ZNF331: variants seen among roughly 807,000 people sequenced by gnomAD.
ZNF331 encodes the protein zinc finger protein 331, also known as C2H2-like zinc finger protein rearranged in thyroid adenomas.
ZNF331 carries 2 observed loss-of-function variants against 7.0 expected under a neutral mutation model. The observed-to-expected ratio is 0.29, with a 90% CI of 0.12 to 0.90. The LOEUF is 0.90. Ranked by LOEUF, ZNF331 falls within the 40% of genes least tolerant of loss-of-function variation. ZNF331 has a pLI of 0.58. For missense variants in ZNF331, 432 were observed against 587.7 expected (o/e 0.74, Z 2.74); for synonymous variants, 196 against 205.4 (o/e 0.95, Z 0.39).
intron 2 of ZNF331, among the ~76,000 whole-genome samples, chr19:53,524,860 A>ATTG (rs1330756034): frequency 6.6e-6 from 1 of 152,084 alleles, no homozygotes; most frequent in Admixed American, 6.5e-5. Context: ...CCTGAATGGT[A>ATTG]TTGCCTAGGT....
At chr19:53,505,031 A>G in the ZNF331 span, among the ~76,000 whole-genome samples, 1 of 152,206 alleles carries the variant, frequency 6.6e-6, no homozygotes, top group African/African-American at 2.4e-5. Flanking sequence ...TGGCAGGAGC[A>G]GGAAAGGACG....
At chr19:53,562,845 G>A (rs756249194) in intron 3 of ZNF331, among the ~76,000 whole-genome samples, 5 of 151,324 alleles carry the variant, frequency 3.3e-5, no homozygotes, top group East Asian at 4.0e-4. Context: ...AAAAATAGCC[G>A]GGCATGGTGA....
At chr19:53,534,820 C>T (rs2087678679), upstream of ZNF331, among the ~76,000 whole-genome samples, 1 of 152,060 alleles carries the variant, frequency 6.6e-6, no homozygotes, top group Admixed American at 6.6e-5. Flanking sequence ...TGCCTTGTAA[C>T]ATAACATATT....
intron 3 of ZNF331, among the ~76,000 whole-genome samples, chr19:53,557,010 A>G (rs1198633551): frequency 1.7e-5 from 2 of 116,568 alleles, no homozygotes; most frequent in Non-Finnish European, 3.3e-5. Flanking sequence ...GGTAGATACA[A>G]TGTTTCACCA....
chr19:53,546,161 A>AAAAAAAAAAAAAAAAAAAAAAAT (rs71337421), intron 2 of ZNF331, among the ~76,000 whole-genome samples: 1 of 144,186 alleles, frequency 6.9e-6, no homozygotes. Context: ...AAAAAAAAAA[A>AAAAAAAAAAAAAAAAAAAAAAAT]TTATTATTTA....
At position 53,579,947 on chromosome 19, in the gene ZNF331, A is replaced by G. The variant is rs965452181; in HGVS notation, c.*1995A>G. ...GGGGAGAAAACTTCAGCACGTCTCA[A>G]CAGAAGACCACCAAATGGCCAATAA... is the stretch of plus-strand genomic sequence containing the variant. On this transcript the variant is annotated 3_prime_UTR_variant, in exon 6 of 6. Transcript: ENST00000449416. 6.3e-5 allele frequency: 13 copies of G among 206,622 alleles called. No homozygotes were observed. Among genetic ancestry groups the G allele is most frequent in the Non-Finnish European group, 8.9e-5 (9 of 101,330 alleles). 12.8% of individuals were successfully genotyped at this position (206,622 alleles called of 1,614,324 possible). A position where few individuals can be genotyped will look rare whatever the true frequency, so the allele number is the denominator to read the frequency against.
upstream of ZNF331, among the ~76,000 whole-genome samples, chr19:53,533,267 G>A (rs1022523614): frequency 2.0e-5 from 3 of 152,036 alleles, no homozygotes; most frequent in Non-Finnish European, 4.4e-5. Context: ...TACTTATCAT[G>A]TTGTTTAATT....
Position 53,530,025 on chromosome 19 carries a change from G to A in ZNF331, c.-205+7341G>A, listed in dbSNP as rs752108866. 7.2e-5 allele frequency among the ~76,000 whole-genome samples: 11 copies of A among 152,284 alleles called. No homozygotes were observed. The South Asian group carries it at 1.7e-3, about 23-fold the overall frequency. Reference sequence around the variant, plus strand: ...GCTCATGCTTCTGAAGGCTGAAAAGGAAGCATGGTATCGACATCTGGCATC... The same window carrying A: ...GCTCATGCTTCTGAAGGCTGAAAAGAAAGCATGGTATCGACATCTGGCATC... On this transcript the variant is annotated intron_variant, in intron 2 of 6. Transcript: ENST00000253144.
intron 2 of ZNF331, among the ~76,000 whole-genome samples, chr19:53,549,548 T>C (rs918587765): frequency 5.9e-5 from 9 of 152,158 alleles, no homozygotes; most frequent in African/African-American, 2.2e-4. Flanking sequence ...ATGCTGATTC[T>C]GTTCCTCTGT....
the ZNF331 span, among the ~76,000 whole-genome samples, chr19:53,511,515 A>T: frequency 6.6e-6 from 1 of 152,110 alleles, no homozygotes; most frequent in African/African-American, 2.4e-5. Context: ...AAACTAAATA[A>T]ATATAATCAA....
Position 53,577,168 on chromosome 19 carries a change from T to G in ZNF331, c.608T>G (p.Val203Gly), listed in dbSNP as rs754629217. The G allele has an allele frequency of 1.2e-6, 2 of 1,614,012 alleles. No individual in the cohort carries two copies. Among genetic ancestry groups the G allele is most frequent in the Non-Finnish European group, 1.7e-6 (2 of 1,179,996 alleles). Residue 203 changes from valine to glycine, a missense_variant, in exon 6 of 6, where the codon GTT becomes GGT. Val to Gly is a moderately radical substitution (Grantham distance 109). This residue lies in a region of ZNF331 where 312 missense variants were observed against 448.6 expected (regional missense o/e 0.70). Coordinates refer to ENST00000449416, the MANE Select transcript of ZNF331 (RefSeq NM_001079906.2). ...GCTTTTCGATGGGGCTCAAGCCTCGTTATTCATAAGAGGATTCATACTGGT... is the reference window on the plus strand; with the variant it reads ...GCTTTTCGATGGGGCTCAAGCCTCGGTATTCATAAGAGGATTCATACTGGT... ...GKAFRWGSSL[V>G]IHKRIHTGEK...
intron 3 of ZNF331, among the ~76,000 whole-genome samples, chr19:53,561,118 A>G (rs538077752): frequency 1.3e-5 from 2 of 152,116 alleles, no homozygotes; most frequent in African/African-American, 4.8e-5. Context: ...GGTTCACACC[A>G]CTGTACTCCA....
At chr19:53,503,695 G>C in the ZNF331 span, 13 of 703,458 alleles carry the variant, frequency 1.8e-5, no homozygotes, top group Admixed American at 1.4e-4. Context: ...CCTGCCTCCT[G>C]AGTGTCTCCC....
Position 53,530,641 on chromosome 19 carries a change from G to A in ZNF331, c.-205+7957G>A, listed in dbSNP as rs116626848. ...GGTAAAATTCACACTCCCCTCAGAC[G>A]TAAAAGGAAGCAGCCTCAAAACAAC... On this transcript the variant is annotated intron_variant, in intron 2 of 6. Coordinates refer to the ZNF331 transcript ENST00000253144. 2.9e-3 allele frequency among the ~76,000 whole-genome samples: 441 copies of A among 152,316 alleles called. 1 individual carries two copies. Among genetic ancestry groups the A allele is most frequent in the African/African-American group, 8.9e-3 (368 of 41,562 alleles).
chr19:53,519,700 G>A (rs1412650252), upstream of ZNF331, among the ~76,000 whole-genome samples: 1 of 152,304 alleles, frequency 6.6e-6, no homozygotes, highest in South Asian at 2.1e-4. Context: ...CCAAGTCTGG[G>A]ACAGCATCAG....
chr19:53,566,712 G>A (rs2090173446), intron 3 of ZNF331, among the ~76,000 whole-genome samples: 1 of 152,182 alleles, frequency 6.6e-6, no homozygotes, highest in Non-Finnish European at 1.5e-5. Context: ...GAGAACACTC[G>A]GGTGTGGTTT....
the ZNF331 span, chr19:53,503,475 A>G: frequency 2.9e-5 from 19 of 659,804 alleles, 1 homozygote; most frequent in African/African-American, 3.3e-4. Context: ...CTTATTTACC[A>G]TTATCTGTCC....
rs2090328728 is a variant in ZNF331, at chr19:53,569,382, C to T, written c.6C>T (p.Ala2=). The T allele has an allele frequency of 6.2e-7, 1 of 1,613,720 alleles. No homozygotes were observed. Among genetic ancestry groups the T allele is most frequent in the Non-Finnish European group, 8.5e-7 (1 of 1,179,864 alleles). The change falls in exon 4 of 6, where the codon GCC becomes GCT. Residue 2 remains alanine, a synonymous_variant. Coordinates refer to ENST00000449416, the MANE Select transcript of ZNF331 (RefSeq NM_001079906.2). M[A]QGLVTFADVA... is the part of the protein sequence containing the mutation. ...AGTTCTTCAGTTCTAAAACAATGGC[C>T]CAGGTAAGTGTATATTTCTCTTTCC...
In ZNF331 at chr19:53,573,970, G is replaced by A. The variant is rs771100275; in HGVS notation, c.136+2240G>A. 3.3e-5 allele frequency among the ~76,000 whole-genome samples: 5 copies of A among 151,972 alleles called. No homozygotes were observed. The highest frequency in any genetic ancestry group is 4.8e-5 in the African/African-American group (2 of 41,406). ...TCTACTAAAAACACAAAAATTAGCC[G>A]GTGTGCTGGTGTGCGCCTGTAATCC... On this transcript the variant is annotated intron_variant, in intron 5 of 5. Transcript: ENST00000449416. This position sits in a 1 kb window ranked among gnomAD's most constrained non-coding sequence, Gnocchi z 4.2.
Sources: allele counts gnomAD v4.1 joint callset (sites outside exome capture counted in the v4.1 genomes callset), GRCh38; gene constraint gnomAD v4.1.1; regional missense constraint gnomAD v4.1.1; non-coding constraint Gnocchi (gnomAD v3.1); transcripts MANE v1.5; gene names NCBI Gene and HGNC (gene_info 2026-07-23, HGNC 2026-07-21).